The following TMEM132C variants were observed in gnomAD, a reference collection of about 807,000 sequenced individuals.
TMEM132C encodes the protein protein phosphatase 1, regulatory subunit 152.
Under a neutral mutation model 61.4 loss-of-function variants are expected in TMEM132C, and 29 were observed. The observed-to-expected ratio is 0.47, with a 90% CI of 0.35 to 0.64. The LOEUF is 0.64. TMEM132C is among the 30% of genes least tolerant of loss of function. The probability of loss-of-function intolerance (pLI) is 0.00; values close to 1 mark genes in which losing one functional copy is unlikely to be tolerated. For synonymous variants in TMEM132C, 656 were observed against 633.1 expected, an observed-to-expected ratio of 1.04 and a Z score of -0.54; for missense variants, 1,408 against 1,476.9, an observed-to-expected ratio of 0.95 and a Z score of 0.76.
chr12:128,368,875 G>T (rs1003983268), intron 1 of TMEM132C, among the ~76,000 whole-genome samples: 1 of 152,160 alleles, frequency 6.6e-6, no homozygotes, highest in Non-Finnish European at 1.5e-5. Flanking sequence ...CCAAAGGCAC[G>T]AAGAGAGGCT....
intron 1 of TMEM132C, among the ~76,000 whole-genome samples, chr12:128,304,849 T>G (rs973211935): frequency 2.0e-5 from 3 of 152,110 alleles, no homozygotes; most frequent in African/African-American, 7.2e-5. Context: ...TAGGAAAGGC[T>G]TTTTTGATGG....
chr12:128,484,212 G>A (rs921708926), intron 2 of TMEM132C, among the ~76,000 whole-genome samples: 6 of 152,164 alleles, frequency 3.9e-5, no homozygotes, highest in Admixed American at 6.5e-5. Context: ...AAGACACTAA[G>A]GGGACGACAT....
At chr12:128,383,333 G>A (rs1317254670) in intron 1 of TMEM132C, among the ~76,000 whole-genome samples, 1 of 152,142 alleles carries the variant, frequency 6.6e-6, no homozygotes, top group Non-Finnish European at 1.5e-5. Flanking sequence ...CTTTCGCAAT[G>A]GCCAACCGCC....
At chr12:128,563,764 T>C (rs1874601198) in intron 3 of TMEM132C, among the ~76,000 whole-genome samples, 1 of 152,226 alleles carries the variant, frequency 6.6e-6, no homozygotes, top group Non-Finnish European at 1.5e-5. Context: ...AGCTTAGAAC[T>C]GTGCTTGACG....
chr12:128,592,045 CAAAAAAAAAAAAAGA>C (rs1388404225), intron 3 of TMEM132C, among the ~76,000 whole-genome samples: 1 of 50,960 alleles, frequency 2.0e-5, no homozygotes, highest in African/African-American at 8.3e-5. Flanking sequence ...GAGTGAGACT[CAAAAAAAAAAAAAGA>C]AAAAAAAAAA....
intron 2 of TMEM132C, among the ~76,000 whole-genome samples, chr12:128,489,926 C>T (rs763819184): frequency 2.0e-5 from 3 of 152,142 alleles, no homozygotes; most frequent in African/African-American, 2.4e-5. Flanking sequence ...TGTTCCCTTT[C>T]GTCCACGTGT....
intron 2 of TMEM132C, among the ~76,000 whole-genome samples, chr12:128,456,583 T>C (rs1247298974): frequency 6.6e-6 from 1 of 151,522 alleles, no homozygotes; most frequent in African/African-American, 2.4e-5. Context: ...ATTTTTTGTA[T>C]TTTTGGTAGA....
At position 128,364,118 on chromosome 12, in the gene TMEM132C, G is replaced by A. The variant is rs539271259; in HGVS notation, c.86-50614G>A. On this transcript the variant is annotated intron_variant, in intron 1 of 8. Transcript: ENST00000435159. The stretch of plus-strand genomic sequence containing the variant: ...ACTAAATCTTAAACCAGAAATTGCC[G>A]TTAAAGGTTCAGGATCCCGCATCTG... Among the ~76,000 whole-genome samples, 64 of 152,210 alleles carry A rather than the reference G, an allele frequency of 4.2e-4. 1 individual carries two copies. Among genetic ancestry groups the A allele is most frequent in the African/African-American group, 1.5e-3 (63 of 41,522 alleles).
chr12:128,530,196 G>A (rs147345022), intron 2 of TMEM132C, among the ~76,000 whole-genome samples: 268 of 152,302 alleles, frequency 1.8e-3, no homozygotes, highest in Middle Eastern at 6.8e-3. Context: ...TGATGGGAAC[G>A]AAGCGGTAAT....
intron 8 of TMEM132C, among the ~76,000 whole-genome samples, chr12:128,698,518 A>C (rs907383315): frequency 2.0e-5 from 3 of 152,222 alleles, no homozygotes; most frequent in African/African-American, 7.2e-5. Flanking sequence ...TCAATCCTTA[A>C]TGAGAAAGTA....
Position 128,581,465 on chromosome 12 carries a change from G to A in TMEM132C, c.1122-34687G>A, listed in dbSNP as rs915751512. On this transcript the variant is annotated intron_variant, in intron 3 of 8. Coordinates refer to ENST00000435159, the MANE Select transcript of TMEM132C (RefSeq NM_001136103.3). ...AGGACACATTCCATCTGTGGGTTTCGCAGTATTTCACAGCTCACTTTGACT... is the reference window on the plus strand; with the variant it reads ...AGGACACATTCCATCTGTGGGTTTCACAGTATTTCACAGCTCACTTTGACT... Among the ~76,000 whole-genome samples the A allele has an allele frequency of 6.6e-5, 10 of 152,176 alleles. No individual in the cohort carries two copies. In the East Asian group the frequency reaches 1.2e-3, roughly 18 times the overall value.
At chr12:128,443,393 A>C (rs946675068) in intron 2 of TMEM132C, among the ~76,000 whole-genome samples, 1 of 152,128 alleles carries the variant, frequency 6.6e-6, no homozygotes, top group Non-Finnish European at 1.5e-5. Flanking sequence ...GAAACCAAAA[A>C]CCACCAGTAC....
chr12:128,675,742 A>G (rs1266795049), intron 5 of TMEM132C, among the ~76,000 whole-genome samples: 3 of 151,098 alleles, frequency 2.0e-5, no homozygotes, highest in Non-Finnish European at 4.4e-5. Flanking sequence ...AGGAAGGGAG[A>G]TAGATAGATA....
At chr12:128,286,062 C>CT (rs1871059864) in intron 1 of TMEM132C, among the ~76,000 whole-genome samples, 3 of 92,258 alleles carry the variant, frequency 3.3e-5, no homozygotes, top group Non-Finnish European at 7.0e-5. Context: ...TCTCTCCCTT[C>CT]CTCTCTCTCT....
At chr12:128,312,458 A>G (rs1872005002) in intron 1 of TMEM132C, among the ~76,000 whole-genome samples, 1 of 152,086 alleles carries the variant, frequency 6.6e-6, no homozygotes, top group South Asian at 2.1e-4. Flanking sequence ...ACCGCCCACC[A>G]ACACACCTGA....
At chr12:128,381,477 GTGT>G (rs1874395439) in intron 1 of TMEM132C, among the ~76,000 whole-genome samples, 1 of 152,230 alleles carries the variant, frequency 6.6e-6, no homozygotes, top group South Asian at 2.1e-4. Context: ...TCGAATCTGA[GTGT>G]TTACAGAGGA....
At chr12:128,553,742 G>A (rs572378749) in intron 3 of TMEM132C, among the ~76,000 whole-genome samples, 2 of 152,278 alleles carry the variant, frequency 1.3e-5, no homozygotes, top group Admixed American at 1.3e-4. Context: ...TTTCTAGTCC[G>A]AGTTTCTGCC....
At chr12:128,361,860 C>T (rs1452944584) in intron 1 of TMEM132C, among the ~76,000 whole-genome samples, 1 of 152,092 alleles carries the variant, frequency 6.6e-6, no homozygotes, top group Non-Finnish European at 1.5e-5. Context: ...TGCTATTCCC[C>T]ATTAGGAAAC....
At chr12:128,637,779 A>G (rs1446520976) in intron 4 of TMEM132C, among the ~76,000 whole-genome samples, 1 of 152,196 alleles carries the variant, frequency 6.6e-6, no homozygotes, top group Non-Finnish European at 1.5e-5. Flanking sequence ...TGCTACAAAC[A>G]GCCCAGTGGG....
Sources: gnomAD v4.1 joint callset for allele counts (sites outside exome capture counted in the v4.1 genomes callset) on GRCh38, gnomAD v4.1.1 for gene constraint, MANE v1.5 for transcripts, NCBI Gene and HGNC (gene_info 2026-07-23, HGNC 2026-07-21) for gene names.